The following NTM variants were observed in gnomAD, a reference collection of about 807,000 sequenced individuals.
The protein encoded by NTM is neurotrimin.
In NTM, 13 loss-of-function variants were observed where a neutral mutation model predicts 42.1. That is an observed-to-expected ratio of 0.31 (90% CI 0.20 to 0.49). The LOEUF is 0.49. Among genes scored for constraint, NTM ranks in the 20% least tolerant of loss-of-function variants. The pLI is 0.99. For synonymous variants in NTM, 187 were observed against 179.2 expected (o/e 1.04, Z -0.35); for missense variants, 373 against 452.8 (o/e 0.82, Z 1.60).
In NTM at chr11:131,583,463, C is replaced by T. The variant is rs1041752407; in HGVS notation, c.82+212575C>T. ...GTTTTAACATGAAATCATAAACAAA[C>T]TGCTGTAATTGGGTATTTTTCTTCT... On this transcript the variant is annotated intron_variant, in intron 1 of 8. Transcript: ENST00000683400. 3.3e-5 allele frequency among the ~76,000 whole-genome samples: 5 copies of T among 152,298 alleles called. No homozygotes were observed. In the East Asian group the frequency reaches 9.6e-4, roughly 29 times the overall value.
chr11:131,453,019 G>T (rs913181098), intron 1 of NTM, among the ~76,000 whole-genome samples: 1 of 152,150 alleles, frequency 6.6e-6, no homozygotes, highest in African/African-American at 2.4e-5. Context: ...TCCCAAAACC[G>T]TATTTCCAAT....
At chr11:132,164,955 C>T (rs10791216) in intron 3 of NTM, among the ~76,000 whole-genome samples, 121,680 of 152,024 alleles carry the variant, frequency 0.8, 48,913 homozygotes, top group African/African-American at 0.85. Flanking sequence ...CCTTGCCTCC[C>T]TGGACTCTGT....
At chr11:132,007,975 A>G (rs1474198858) in intron 2 of NTM, among the ~76,000 whole-genome samples, 2 of 152,172 alleles carry the variant, frequency 1.3e-5, no homozygotes, top group African/African-American at 4.8e-5. Flanking sequence ...GGGAAGGGCT[A>G]TGAGGAGTAG....
intron 2 of NTM, among the ~76,000 whole-genome samples, chr11:132,072,838 T>C (rs1400259540): frequency 6.6e-6 from 1 of 152,104 alleles, no homozygotes; most frequent in East Asian, 1.9e-4. Context: ...GGTGCCTGTG[T>C]GTGGGGTTTC....
intron 4 of NTM, among the ~76,000 whole-genome samples, chr11:132,266,841 T>G (rs187245368): frequency 7.4e-4 from 112 of 152,350 alleles, no homozygotes; most frequent in Non-Finnish European, 9.4e-4. Context: ...CACATATTGT[T>G]GAATAACTTA....
intron 1 of NTM, among the ~76,000 whole-genome samples, chr11:131,598,504 G>A (rs1282204984): frequency 1.3e-5 from 2 of 152,092 alleles, no homozygotes; most frequent in Non-Finnish European, 2.9e-5. Context: ...CTGCACAGAG[G>A]GAGCACAGGT....
chr11:132,207,426 C>A (rs1460330970), intron 3 of NTM, among the ~76,000 whole-genome samples: 2 of 152,292 alleles, frequency 1.3e-5, no homozygotes, highest in East Asian at 3.9e-4. Context: ...TGCAGGAAAA[C>A]AAGTTCAGGG....
intron 2 of NTM, among the ~76,000 whole-genome samples, chr11:132,097,653 C>T (rs1243885178): frequency 1.3e-5 from 2 of 152,074 alleles, no homozygotes; most frequent in African/African-American, 4.8e-5. Context: ...TCAGGCTGGC[C>T]TGGGAAAAAG....
At chr11:132,015,371 A>C (rs1401294813) in intron 2 of NTM, among the ~76,000 whole-genome samples, 4 of 151,814 alleles carry the variant, frequency 2.6e-5, no homozygotes, top group African/African-American at 7.3e-5. Context: ...TTGGCTATTC[A>C]ATATCTTTTT....
intron 2 of NTM, among the ~76,000 whole-genome samples, chr11:132,065,132 G>C (rs1157615338): frequency 6.6e-6 from 1 of 152,166 alleles, no homozygotes; most frequent in African/African-American, 2.4e-5. Context: ...GGATCACCAG[G>C]AATCATGAAA....
intron 2 of NTM, among the ~76,000 whole-genome samples, chr11:132,096,378 A>G (rs1170109310): frequency 6.6e-6 from 1 of 152,138 alleles, no homozygotes; most frequent in Admixed American, 6.5e-5. Flanking sequence ...CCCGCTCACA[A>G]TGGGCGAGAG....
At chr11:132,062,998 A>G (rs1452815768) in intron 2 of NTM, among the ~76,000 whole-genome samples, 2 of 152,156 alleles carry the variant, frequency 1.3e-5, no homozygotes, top group Non-Finnish European at 2.9e-5. Context: ...AGAGCAAAAT[A>G]CCATAGACTG....
At chr11:131,782,813 G>A (rs557303253) in intron 1 of NTM, among the ~76,000 whole-genome samples, 13 of 152,206 alleles carry the variant, frequency 8.5e-5, no homozygotes, top group Admixed American at 7.2e-4. Flanking sequence ...AGCAAACTAA[G>A]TAAAGAAAGT....
intron 1 of NTM, among the ~76,000 whole-genome samples, chr11:131,434,720 T>A (rs1274459865): frequency 6.6e-6 from 1 of 152,230 alleles, no homozygotes; most frequent in Admixed American, 6.5e-5. Context: ...TTGCAAAAAT[T>A]TTCTCCCATT....
intron 1 of NTM, chr11:131,794,485 A>G: frequency 2.8e-5 from 28 of 985,212 alleles, no homozygotes; most frequent in Non-Finnish European, 3.4e-5. Flanking sequence ...GCCGTTTACT[A>G]CTTTGTTCCT....
chr11:132,037,730 A>G lies in NTM; in HGVS notation c.168-108552A>G, dbSNP rs186387897. Among the ~76,000 whole-genome samples, 47 of 152,318 alleles carry G rather than the reference A, an allele frequency of 3.1e-4. 2 individuals carry two copies. The highest frequency in any genetic ancestry group is 2.0e-3 in the Admixed American group (30 of 15,302). On this transcript the variant is annotated intron_variant, in intron 2 of 8. Coordinates refer to ENST00000683400, the MANE Select transcript of NTM (RefSeq NM_001352005.2). ...TAACACGCTCTCCTACTTCCCTCCA[A>G]TGAAAACACCTTGCTGATTTAATTA...
chr11:132,024,458 A>G (rs2074874034), intron 2 of NTM, among the ~76,000 whole-genome samples: 1 of 152,226 alleles, frequency 6.6e-6, no homozygotes, highest in African/African-American at 2.4e-5. Flanking sequence ...AGTCAACTAT[A>G]GATTACTTAT....
intron 4 of NTM, among the ~76,000 whole-genome samples, chr11:132,216,416 C>T (rs1449438214): frequency 6.6e-6 from 1 of 152,168 alleles, no homozygotes; most frequent in Non-Finnish European, 1.5e-5. Context: ...CATTTGCAGC[C>T]AGGGATCACT....
chr11:132,210,233 T>A (rs2082627485), intron 3 of NTM, among the ~76,000 whole-genome samples: 1 of 152,214 alleles, frequency 6.6e-6, no homozygotes, highest in Admixed American at 6.5e-5. Context: ...GGAAAGAATA[T>A]AACATGAAGA....
Sources: gnomAD v4.1 joint callset for allele counts (sites outside exome capture counted in the v4.1 genomes callset) on GRCh38, gnomAD v4.1.1 for gene constraint, MANE v1.5 for transcripts, NCBI Gene and HGNC (gene_info 2026-07-23, HGNC 2026-07-21) for gene names.